The following HCRTR2 variants were observed in gnomAD, a reference collection of about 807,000 sequenced individuals.
HCRTR2 encodes the protein hypocretin receptor 2.
In HCRTR2, 22 loss-of-function variants were observed where a neutral mutation model predicts 49.0. The observed-to-expected ratio is 0.45, with a 90% confidence interval of 0.32 to 0.64. The LOEUF (loss-of-function observed/expected upper bound fraction) is 0.64. Ranked by LOEUF, HCRTR2 falls within the 30% of genes least tolerant of loss-of-function variation. The pLI is 0.04. For synonymous variants in HCRTR2, 236 were observed against 205.3 expected (o/e 1.15, Z -1.28); for missense variants, 491 against 559.4 (o/e 0.88, Z 1.23).
At chr6:55,204,770 T>G (rs529911633) in intron 1 of HCRTR2, among the ~76,000 whole-genome samples, 9 of 152,132 alleles carry the variant, frequency 5.9e-5, no homozygotes, top group African/African-American at 1.9e-4. Context: ...TCCTCTCCCC[T>G]GCCTTCCCCT....
At chr6:55,154,699 G>A (rs201549901) in intron 1 of HCRTR2, among the ~76,000 whole-genome samples, 2 of 146,888 alleles carry the variant, frequency 1.4e-5, no homozygotes, top group Admixed American at 6.8e-5. Context: ...TAAATAAATA[G>A]ATAAATAAAT....
chr6:55,234,135 T>G lies in HCRTR2; in HGVS notation c.224-14504T>G, dbSNP rs574264279. Among the ~76,000 whole-genome samples, 6 of 152,320 alleles carry G rather than the reference T, an allele frequency of 3.9e-5. No individual in the cohort carries two copies. In the South Asian group the frequency reaches 1.2e-3, roughly 32 times the overall value. On this transcript the variant is annotated intron_variant, in intron 1 of 6. Transcript: ENST00000370862. ...AGCAAAATGATATAAGGTGACAAAG[T>G]AGAAATAGGTGCTATGCTGCTTTAC...
intron 1 of HCRTR2, among the ~76,000 whole-genome samples, chr6:55,196,588 T>C (rs1765421524): frequency 6.6e-6 from 1 of 152,164 alleles, no homozygotes; most frequent in South Asian, 2.1e-4. Context: ...CTTTCTCTGC[T>C]CCTTCCCAGT....
chr6:55,251,436 T>C (rs935932354), intron 2 of HCRTR2, among the ~76,000 whole-genome samples: 1 of 152,130 alleles, frequency 6.6e-6, no homozygotes, highest in African/African-American at 2.4e-5. Flanking sequence ...CATTAACATG[T>C]ATTCAGCTAT....
intron 1 of HCRTR2, among the ~76,000 whole-genome samples, chr6:55,186,953 C>A (rs9464204): frequency 2.0e-5 from 3 of 151,984 alleles, no homozygotes; most frequent in South Asian, 2.1e-4. Flanking sequence ...TTTCAGGTGG[C>A]GCACAAAACC....
At chr6:55,271,981 A>C (rs2127327257) in intron 4 of HCRTR2, among the ~76,000 whole-genome samples, 1 of 152,258 alleles carries the variant, frequency 6.6e-6, no homozygotes, top group Non-Finnish European at 1.5e-5. Flanking sequence ...TTAGAGAATT[A>C]CCACATTACC....
intron 1 of HCRTR2, among the ~76,000 whole-genome samples, chr6:55,223,254 G>A (rs1361581003): frequency 6.6e-6 from 1 of 152,040 alleles, no homozygotes; most frequent in Admixed American, 6.5e-5. Context: ...CTGTATCTAT[G>A]TGATGCCAAA....
At chr6:55,166,963 A>G (rs199947461) in intron 1 of HCRTR2, among the ~76,000 whole-genome samples, 1 of 63,272 alleles carries the variant, frequency 1.6e-5, no homozygotes, top group South Asian at 5.2e-4. Flanking sequence ...CAACATTTAA[A>G]GGAAATTTCC....
In HCRTR2 at chr6:55,174,950, A is replaced by G. The variant is rs541774885; in HGVS notation, c.223+140A>G. 1.8e-3 allele frequency: 1,073 copies of G among 599,260 alleles called. 2 individuals carry two copies. Among genetic ancestry groups the G allele is most frequent in the Non-Finnish European group, 2.6e-3 (860 of 335,468 alleles). The allele number at this position is 599,260 out of a possible 1,614,324, so 37.1% of individuals were successfully genotyped here. A position where few individuals can be genotyped will look rare whatever the true frequency, so the allele number is the denominator to read the frequency against. Reference sequence around the variant, plus strand: ...CTCTCGGATGGGGTTTTCTAATAAAATAATAATAATAATAGAAAGTTTTCT... The same window carrying G: ...CTCTCGGATGGGGTTTTCTAATAAAGTAATAATAATAATAGAAAGTTTTCT... On this transcript the variant is annotated intron_variant, in intron 1 of 6. Transcript: ENST00000370862.
chr6:55,212,307 C>A (rs1168166952), intron 1 of HCRTR2, among the ~76,000 whole-genome samples: 1 of 152,158 alleles, frequency 6.6e-6, no homozygotes, highest in Non-Finnish European at 1.5e-5. Flanking sequence ...GATAACTACA[C>A]ATTCCATTCC....
chr6:55,129,720 CTTGT>C (rs1764328647), intron 1 of HCRTR2, among the ~76,000 whole-genome samples: 1 of 151,892 alleles, frequency 6.6e-6, no homozygotes, highest in African/African-American at 2.4e-5. Context: ...TGATGCCAGT[CTTGT>C]TTGTTCTTAA....
At chr6:55,212,271 A>G (rs1765710179) in intron 1 of HCRTR2, among the ~76,000 whole-genome samples, 1 of 152,182 alleles carries the variant, frequency 6.6e-6, no homozygotes, top group Non-Finnish European at 1.5e-5. Context: ...ACAAATTTGG[A>G]AATGACTCCA....
chr6:55,154,161 G>A (rs1289074292), intron 1 of HCRTR2, among the ~76,000 whole-genome samples: 2 of 151,812 alleles, frequency 1.3e-5, no homozygotes, highest in East Asian at 1.9e-4. Context: ...AAGAGTCTAG[G>A]ACCAGAAGTC....
At chr6:55,210,377 G>A (rs1189452696) in intron 1 of HCRTR2, among the ~76,000 whole-genome samples, 2 of 152,004 alleles carry the variant, frequency 1.3e-5, no homozygotes, top group Admixed American at 6.6e-5. Flanking sequence ...GGAATAGGTG[G>A]CCTGCAGACA....
intron 1 of HCRTR2, among the ~76,000 whole-genome samples, chr6:55,168,681 T>C (rs748920698): frequency 4.6e-5 from 7 of 152,112 alleles, no homozygotes; most frequent in Non-Finnish European, 7.4e-5. Context: ...TTCTCCAACT[T>C]GAGCCTCCCA....
At chr6:55,160,764 C>T (rs1764794214) in intron 1 of HCRTR2, among the ~76,000 whole-genome samples, 1 of 152,106 alleles carries the variant, frequency 6.6e-6, no homozygotes, top group African/African-American at 2.4e-5. Flanking sequence ...ATAAAGGGAT[C>T]AATGCAACAA....
chr6:55,280,584 C>T, intron 6 of HCRTR2, 140 bp downstream of exon 6: 2 of 1,163,676 alleles, frequency 1.7e-6, no homozygotes, highest in Admixed American at 2.1e-5. Flanking sequence ...TGAGTTTCTT[C>T]TCTTTTGAGG....
intron 1 of HCRTR2, among the ~76,000 whole-genome samples, chr6:55,158,293 A>G (rs578112208): frequency 2.6e-5 from 4 of 152,290 alleles, no homozygotes; most frequent in African/African-American, 9.6e-5. Context: ...TGCTTTTCCC[A>G]TGTTCTTCAC....
At chr6:55,273,197 G>A (rs1006279836) in intron 4 of HCRTR2, among the ~76,000 whole-genome samples, 6 of 152,036 alleles carry the variant, frequency 3.9e-5, no homozygotes, top group Non-Finnish European at 8.8e-5. Context: ...GGTGGTGGGT[G>A]TAAGGGGCAA....
Sources: allele counts gnomAD v4.1 joint callset (sites outside exome capture counted in the v4.1 genomes callset), GRCh38; gene constraint gnomAD v4.1.1; transcripts MANE v1.5; gene names NCBI Gene and HGNC (gene_info 2026-07-23, HGNC 2026-07-21).